The following TUBE1 variants were observed in gnomAD, a reference collection of about 807,000 sequenced individuals.
TUBE1 encodes the protein tubulin epsilon chain.
TUBE1 carries 34 observed loss-of-function variants against 53.5 expected under a neutral mutation model. The observed-to-expected ratio is 0.64, with a 90% CI of 0.48 to 0.85. The LOEUF is 0.85. Ranked by LOEUF, TUBE1 falls within the 40% of genes least tolerant of loss-of-function variation. The probability of loss-of-function intolerance (pLI) is 0.00; values close to 1 mark genes in which losing one functional copy is unlikely to be tolerated. For missense variants in TUBE1, 532 were observed against 570.5 expected, an observed-to-expected ratio of 0.93 and a Z score of 0.69; for synonymous variants, 177 against 198.4, an observed-to-expected ratio of 0.89 and a Z score of 0.91.
At chr6:112,086,339 T>A (rs1777155896) in intron 3 of TUBE1, among the ~76,000 whole-genome samples, 1 of 152,182 alleles carries the variant, frequency 6.6e-6, no homozygotes, top group Non-Finnish European at 1.5e-5. Flanking sequence ...TATTTCAAGG[T>A]TAAGTTAAAA....
rs1776924613 is a variant in TUBE1 at position 112,074,647 on chromosome 6, T to G, written c.953+63A>C. On this transcript the variant is annotated intron_variant, in intron 9 of 11. Transcript: ENST00000368662. Reference sequence around the variant, plus strand: ...ACTAGAGTTATTGCAAACTTTTTTCTCTTAAAAATGTTTTTTAAAGTAATT... The same window carrying G: ...ACTAGAGTTATTGCAAACTTTTTTCGCTTAAAAATGTTTTTTAAAGTAATT... The G allele has an allele frequency of 2.3e-6, 3 of 1,291,468 alleles. No homozygotes were observed. In the South Asian group the frequency reaches 6.9e-5, roughly 30 times the overall value. 80.0% of individuals were successfully genotyped at this position (1,291,468 alleles called of 1,614,324 possible).
At chr6:112,082,311 C>A (rs1436813917) in intron 4 of TUBE1, among the ~76,000 whole-genome samples, 1 of 152,092 alleles carries the variant, frequency 6.6e-6, no homozygotes, top group African/African-American at 2.4e-5. Flanking sequence ...GCAATTTTGA[C>A]CTCAAATGCT....
intron 7 of TUBE1, 73 bp from the exon 8 acceptor site, chr6:112,076,185 GAAAGAA>G (rs1776964736): frequency 1.3e-6 from 2 of 1,494,966 alleles, no homozygotes; most frequent in Non-Finnish European, 1.8e-6. Context: ...CTAGGAAAGA[GAAAGAA>G]AAACAATTTA....
chr6:112,077,850 A>C (rs1224581669), intron 6 of TUBE1: 4 of 152,056 alleles, frequency 2.6e-5, no homozygotes, highest in Non-Finnish European at 4.4e-5. Context: ...TTACAAAAAA[A>C]CCCTTCAATA....
intron 4 of TUBE1, among the ~76,000 whole-genome samples, chr6:112,081,564 A>G (rs1413553609): frequency 3.3e-5 from 5 of 152,138 alleles, no homozygotes; most frequent in Non-Finnish European, 5.9e-5. Flanking sequence ...GTACTTGCAT[A>G]CTAGGAACAA....
In TUBE1 at chr6:112,071,165, T is replaced by G; in HGVS notation, c.*247A>C. 2.8e-6 allele frequency: 1 copy of G among 354,664 alleles called. No homozygotes were observed. The highest frequency in any genetic ancestry group is 5.1e-6 in the Non-Finnish European group (1 of 197,158). 22.0% of individuals were successfully genotyped at this position (354,664 alleles called of 1,614,324 possible). On this transcript the variant is annotated 3_prime_UTR_variant, in exon 12 of 12. Transcript: ENST00000368662. ...AATACAGCAAAATATTCAAGAACTA[T>G]GTTATCTCAATTTTAGAAAAGGGAA...
chr6:112,087,198 G>T, intron 2 of TUBE1, 35 bp downstream of exon 2: 1 of 1,541,546 alleles, frequency 6.5e-7, no homozygotes, highest in Non-Finnish European at 8.8e-7. Context: ...AGACCTAGCT[G>T]ACAGGCGAGG....
intron 9 of TUBE1, 117 bp from the exon 10 acceptor site, chr6:112,073,015 A>C: frequency 1.7e-6 from 1 of 582,194 alleles, no homozygotes; most frequent in Non-Finnish European, 2.6e-6. Context: ...CACTAACAAA[A>C]TATTAGATTA....
chr6:112,075,998 G>A lies in TUBE1; in HGVS notation c.751C>T (p.His251Tyr), dbSNP rs141127175. 5.0e-3 allele frequency: 7,996 copies of A among 1,613,838 alleles called. 35 individuals carry two copies. The highest frequency in any genetic ancestry group is 6.4e-3 in the Middle Eastern group (39 of 6,056). Residue 251 changes from histidine to tyrosine, a missense_variant, in exon 8 of 12, where the codon CAT becomes TAT. Transcript: ENST00000368662. ...TSSSGALKKQHKKPFDAMNNI... is the reference protein window; with the variant it reads ...TSSSGALKKQYKKPFDAMNNI... ...TTCATTGCATCAAAGGGCTTCTTAT[G>A]CTGCTTTTTTAAAGCCCCAGAACTT...
Position 112,079,731 on chromosome 6 carries a change from C to A in TUBE1, c.350G>T (p.Gly117Val), listed in dbSNP as rs1332173146. ...NNWAVGHKVF[G>V]SLYQDQILEK... ...TAAAATCTGGTCTTGGTAAAGACTGCCGAAAACTTTGTGACCCACGGCCCT... is the reference window on the plus strand; with the variant it reads ...TAAAATCTGGTCTTGGTAAAGACTGACGAAAACTTTGTGACCCACGGCCCT... The change falls in exon 6 of 12, where the codon GGC becomes GTC. Residue 117 changes from glycine (G) to valine (V), a missense_variant. Gly to Val is a moderately radical substitution (Grantham distance 109, BLOSUM62 -3). Transcript: ENST00000368662. The A allele has an allele frequency of 6.2e-7, 1 of 1,609,300 alleles. No individual in the cohort carries two copies. Among genetic ancestry groups the A allele is most frequent in the East Asian group, 2.2e-5 (1 of 44,724 alleles).
chr6:112,076,023 T>A lies in TUBE1; in HGVS notation c.726A>T (p.Ser242=). ...TTVKPKSLVT[S]SSGALKKQHK... is the part of the protein sequence containing the mutation. ...GCTGCTTTTTTAAAGCCCCAGAACT[T>A]GAAGTAACCAGACTCTTTGGCTTCA... The change falls in exon 8 of 12, where the codon TCA becomes TCT. Residue 242 remains serine (S), a synonymous_variant. Coordinates refer to ENST00000368662, the MANE Select transcript of TUBE1 (RefSeq NM_016262.5). The A allele has an allele frequency of 6.2e-7, 1 of 1,613,952 alleles. No individual in the cohort carries two copies. The highest frequency in any genetic ancestry group is 2.2e-5 in the East Asian group (1 of 44,836).
At chr6:112,072,703 T>C in intron 10 of TUBE1, 55 bp downstream of exon 10, 3 of 1,582,220 alleles carry the variant, frequency 1.9e-6, no homozygotes, top group Non-Finnish European at 2.6e-6. Context: ...CTAACTACTA[T>C]GCCACACTGT....
chr6:112,083,361 C>A (rs1777099864), intron 4 of TUBE1, among the ~76,000 whole-genome samples: 1 of 150,798 alleles, frequency 6.6e-6, no homozygotes. Flanking sequence ...CGCTGTCGCC[C>A]AGGTTGGATG....
At position 112,075,017 on chromosome 6, in the gene TUBE1, T is replaced by C. The variant is rs1035259389; in HGVS notation, c.813-167A>G. 7.6e-5 allele frequency: 27 copies of C among 354,818 alleles called. No homozygotes were observed. The South Asian group carries it at 2.0e-3, about 27-fold the overall frequency. The allele number at this position is 354,818 out of a possible 1,614,324, so 22.0% of individuals were successfully genotyped here. A position where few individuals can be genotyped will look rare whatever the true frequency, so the allele number is the denominator to read the frequency against. On this transcript the variant is annotated intron_variant, in intron 8 of 11. Transcript: ENST00000368662. ...TTAGTGAAAGTTAGTATCAGAACAA[T>C]CATGTATAAAATAAAATATAACACA... is the stretch of plus-strand genomic sequence containing the variant.
At position 112,076,107 on chromosome 6, in the gene TUBE1, T is replaced by A; in HGVS notation, c.642A>T (p.Leu214Phe). Residue 214 changes from leucine (L) to phenylalanine (F), a missense_variant, in exon 8 of 12, where the codon TTA (leucine) becomes TTT (phenylalanine). Coordinates refer to ENST00000368662, the MANE Select transcript of TUBE1 (RefSeq NM_016262.5). ...DCVLPIDNQSLFDIISKIDLM... is the reference protein window; with the variant it reads ...DCVLPIDNQSFFDIISKIDLM... Reference sequence around the variant, plus strand: ...GGTCGATTTTGCTAATGATGTCAAATAAAGACTTTTGAGGGAAAAACATTG... The same window carrying A: ...GGTCGATTTTGCTAATGATGTCAAAAAAAGACTTTTGAGGGAAAAACATTG... 2.5e-6 allele frequency: 4 copies of A among 1,611,008 alleles called. No homozygotes were observed. The highest frequency in any genetic ancestry group is 3.3e-4 in the Middle Eastern group (2 of 6,004).
intron 3 of TUBE1, chr6:112,085,681 T>A (rs1359190457): frequency 2.1e-6 from 1 of 471,788 alleles, no homozygotes; most frequent in Non-Finnish European, 4.4e-6. Context: ...TAACTTCCTT[T>A]GGTCTGATTC....
chr6:112,079,421 T>TTA (rs781911663), intron 6 of TUBE1: 1 of 296,198 alleles, frequency 3.4e-6, no homozygotes, highest in African/African-American at 2.6e-5. Context: ...GGGCTTACAT[T>TTA]AAAAAAAAAA....
intron 3 of TUBE1, chr6:112,085,439 G>A (rs1478914073): frequency 1.2e-5 from 3 of 260,028 alleles, no homozygotes; most frequent in African/African-American, 2.2e-5. Flanking sequence ...CCCAGGCTGA[G>A]TCTCAACTAT....
At chr6:112,084,097 GAA>G (rs782586463) in intron 4 of TUBE1, 90 bp downstream of exon 4, 249 of 1,060,322 alleles carry the variant, frequency 2.3e-4, no homozygotes, top group Non-Finnish European at 3.0e-4. Context: ...TTTCTACTTT[GAA>G]AAGTTTAAAG....
Sources: allele counts gnomAD v4.1 joint callset (sites outside exome capture counted in the v4.1 genomes callset), GRCh38; gene constraint gnomAD v4.1.1; transcripts MANE v1.5; gene names NCBI Gene and HGNC (gene_info 2026-07-23, HGNC 2026-07-21).